LARP1B: variants seen among roughly 807,000 people sequenced by gnomAD.
LARP1B encodes La ribonucleoprotein 1B.
In LARP1B, 76 loss-of-function variants were observed where a neutral mutation model predicts 114.2. That is an observed-to-expected ratio of 0.67 (90% CI 0.55 to 0.81). LARP1B has a LOEUF of 0.81. Among genes scored for constraint, LARP1B ranks in the 30% least tolerant of loss-of-function variants. The probability of loss-of-function intolerance (pLI) is 0.00; values close to 1 mark genes in which losing one functional copy is unlikely to be tolerated. For synonymous variants in LARP1B, 345 were observed against 348.0 expected (o/e 0.99, Z 0.10); for missense variants, 1,014 against 1,075.8 (o/e 0.94, Z 0.80).
intron 11 of LARP1B, among the ~76,000 whole-genome samples, chr4:128,158,173 A>C (rs1196922391): frequency 6.6e-6 from 1 of 152,166 alleles, no homozygotes; most frequent in Non-Finnish European, 1.5e-5. Context: ...AAGTACATAA[A>C]ATTTGCAGGC....
In LARP1B at chr4:128,207,321, A is replaced by G. The variant is rs778662741; in HGVS notation, c.2485A>G (p.Ile829Val). ...ATATTCTCAATCTAAGACACAGTCT[A>G]TTGACCCAAAACTTCAGGAATACCT... ...LKYSQSKTQS[I>V]DPKLQEYLCS... The change falls in exon 19 of 20, where the codon ATT (isoleucine) becomes GTT (valine). Residue 829 changes from isoleucine (I) to valine (V), a missense_variant. Ile to Val is a conservative substitution (Grantham distance 29). Transcript: ENST00000326639. The G allele has an allele frequency of 1.4e-5, 22 of 1,565,162 alleles. No homozygotes were observed. Among genetic ancestry groups the G allele is most frequent in the Middle Eastern group, 2.0e-4 (1 of 5,126 alleles).
chr4:128,094,582 T>C (rs1777219081), intron 7 of LARP1B, among the ~76,000 whole-genome samples: 1 of 151,502 alleles, frequency 6.6e-6, no homozygotes, highest in Non-Finnish European at 1.5e-5. Context: ...AATTTTTGTA[T>C]TTTTAGTAGA....
chr4:128,176,384 G>A (rs1447571167), intron 12 of LARP1B, among the ~76,000 whole-genome samples: 1 of 150,134 alleles, frequency 6.7e-6, no homozygotes, highest in Non-Finnish European at 1.5e-5. Context: ...GCCTCCACCT[G>A]CCGGGTTCAA....
intron 12 of LARP1B, among the ~76,000 whole-genome samples, chr4:128,170,425 G>C (rs887024709): frequency 6.6e-6 from 1 of 152,106 alleles, no homozygotes; most frequent in African/African-American, 2.4e-5. Context: ...TACTGAGAGA[G>C]GAGTGTTGAA....
At chr4:128,066,165 CTTTTTTTTTTT>C (rs59927866) in intron 1 of LARP1B, among the ~76,000 whole-genome samples, 2 of 99,188 alleles carry the variant, frequency 2.0e-5, no homozygotes, top group African/African-American at 3.8e-5. Flanking sequence ...TTTCTTTCTT[CTTTTTTTTTTT>C]TTTTTTTTTT....
intron 3 of LARP1B, among the ~76,000 whole-genome samples, chr4:128,076,499 A>C (rs4834229): frequency 0.6 from 91,608 of 151,878 alleles, 28,496 homozygotes; most frequent in Middle Eastern, 0.8. Context: ...CAGTTTGTCC[A>C]TTCACCTATT....
intron 12 of LARP1B, among the ~76,000 whole-genome samples, chr4:128,172,348 A>T (rs979064246): frequency 6.6e-6 from 1 of 152,180 alleles, no homozygotes; most frequent in Admixed American, 6.5e-5. Flanking sequence ...ATACATTTTT[A>T]ATCAAATTTG....
intron 1 of LARP1B, among the ~76,000 whole-genome samples, chr4:128,070,085 G>A (rs1764618069): frequency 6.6e-6 from 1 of 152,166 alleles, no homozygotes; most frequent in East Asian, 1.9e-4. Context: ...TTGGGAGGCT[G>A]AGGTGGGCGG....
chr4:128,094,259 T>C (rs1429091080), intron 7 of LARP1B, among the ~76,000 whole-genome samples: 1 of 152,076 alleles, frequency 6.6e-6, no homozygotes, highest in Non-Finnish European at 1.5e-5. Context: ...AAAACTTGTA[T>C]TAATTGTTTG....
In LARP1B at chr4:128,122,560, A is replaced by C; in HGVS notation, c.1524+372A>C. On this transcript the variant is annotated intron_variant, in intron 11 of 19. Coordinates refer to ENST00000326639, the MANE Select transcript of LARP1B (RefSeq NM_018078.4). The stretch of plus-strand genomic sequence containing the variant: ...GTGGACAGGCTTAATTTATATGCTC[A>C]TTGCTTACCTGGCTCTCACCGCAGC... The C allele has an allele frequency of 2.0e-6, 3 of 1,516,988 alleles. No individual in the cohort carries two copies. The South Asian group carries it at 3.7e-5, about 19-fold the overall frequency. 94.0% of individuals were successfully genotyped at this position (1,516,988 alleles called of 1,614,324 possible).
chr4:128,167,074 ACAC>A lies in LARP1B; in HGVS notation c.1648+4758_1648+4760del, dbSNP rs201939539. 5.2e-3 allele frequency among the ~76,000 whole-genome samples: 792 copies of A among 151,388 alleles called. 9 individuals are homozygous for A. Among genetic ancestry groups the A allele is most frequent in the African/African-American group, 0.018 (754 of 41,304 alleles). ...CACACACACACATATACACACACACACACATCACCATTTCTCTGTTTATCATAA... is the reference window on the plus strand; with the variant it reads ...CACACACACACATATACACACACACAATCACCATTTCTCTGTTTATCATAA... On this transcript the variant is annotated intron_variant, in intron 12 of 19. Transcript: ENST00000326639.
chr4:128,115,326 G>A lies in LARP1B; in HGVS notation c.1161+584G>A, dbSNP rs563919042. Among the ~76,000 whole-genome samples the A allele has an allele frequency of 6.8e-4, 103 of 152,338 alleles. 2 individuals are homozygous for A. The highest frequency in any genetic ancestry group is 2.3e-3 in the African/African-American group (97 of 41,596). On this transcript the variant is annotated intron_variant, in intron 10 of 19. Coordinates refer to ENST00000326639, the MANE Select transcript of LARP1B (RefSeq NM_018078.4). ...TCCTGTAATCACAACACTTCGGGAGGCCAAGGCAGGAAGATTGCTTGAGCG... is the reference window on the plus strand; with the variant it reads ...TCCTGTAATCACAACACTTCGGGAGACCAAGGCAGGAAGATTGCTTGAGCG...
chr4:128,135,944 T>C (rs1449254659), intron 11 of LARP1B, among the ~76,000 whole-genome samples: 5 of 152,018 alleles, frequency 3.3e-5, no homozygotes, highest in African/African-American at 1.2e-4. Context: ...TATTAAAAAT[T>C]ATTTTAAAAA....
chr4:128,151,422 A>G (rs1408252348), intron 11 of LARP1B, among the ~76,000 whole-genome samples: 1 of 152,118 alleles, frequency 6.6e-6, no homozygotes, highest in African/African-American at 2.4e-5. Context: ...TCAATTCCAG[A>G]CAGGAATCAC....
At chr4:128,122,399 A>C in intron 11 of LARP1B, 1 of 1,479,380 alleles carries the variant, frequency 6.8e-7, no homozygotes, top group Non-Finnish European at 9.0e-7. Context: ...GAATACTGTA[A>C]TTACAAAAGA....
chr4:128,082,200 G>A lies in LARP1B; in HGVS notation c.253G>A (p.Val85Ile). The change falls in exon 5 of 20, where the codon GTT becomes ATT. Residue 85 changes from valine (V) to isoleucine (I), a missense_variant. Physicochemically the swap from Val to Ile is conservative, Grantham distance 29. Transcript: ENST00000326639. ...KHKWVPLHLD[V>I]VRSESQERPG... ...CAAGTGGGTACCACTCCACTTAGAT[G>A]TTGTAAGATCAGAGAGTCAAGAAAG... 2.5e-6 allele frequency: 4 copies of A among 1,612,572 alleles called. No individual in the cohort carries two copies. Among genetic ancestry groups the A allele is most frequent in the Admixed American group, 1.7e-5 (1 of 60,022 alleles).
intron 15 of LARP1B, among the ~76,000 whole-genome samples, chr4:128,182,077 G>C (rs568172154): frequency 3.0e-4 from 45 of 147,616 alleles, no homozygotes; most frequent in Non-Finnish European, 5.5e-4. Flanking sequence ...CTCCCAAAGT[G>C]CTGGGATTAC....
In LARP1B at chr4:128,161,030, C is replaced by T. The variant is rs147676492; in HGVS notation, c.1525-1164C>T. On this transcript the variant is annotated intron_variant, in intron 11 of 19. Transcript: ENST00000326639. Reference sequence around the variant, plus strand: ...CTTATGTTTTTTACTTGCTTAAACCCGCTTTGGATGTTGCCCTGTAAAGAT... The same window carrying T: ...CTTATGTTTTTTACTTGCTTAAACCTGCTTTGGATGTTGCCCTGTAAAGAT... 4.5e-3 allele frequency among the ~76,000 whole-genome samples: 692 copies of T among 152,238 alleles called. 10 individuals carry two copies. The highest frequency in any genetic ancestry group is 0.016 in the African/African-American group (664 of 41,532).
chr4:128,159,748 A>C (rs1020556529), intron 11 of LARP1B, among the ~76,000 whole-genome samples: 3 of 152,322 alleles, frequency 2.0e-5, no homozygotes, highest in African/African-American at 7.2e-5. Flanking sequence ...CAGGAACTTT[A>C]ATATACTGCT....
Sources: gnomAD v4.1 joint callset for allele counts (sites outside exome capture counted in the v4.1 genomes callset) on GRCh38, gnomAD v4.1.1 for gene constraint, MANE v1.5 for transcripts, NCBI Gene and HGNC (gene_info 2026-07-23, HGNC 2026-07-21) for gene names.